Variants in KCNQ3 observed in about 807,000 individuals in gnomAD.
KCNQ3 encodes the protein potassium voltage-gated channel subfamily Q member 3, also known as potassium voltage-gated channel subfamily KQT member 3.
Under a neutral mutation model 92.5 loss-of-function variants are expected in KCNQ3, and 30 were observed. The ratio of observed to expected loss-of-function variants is 0.32; its 90% CI spans 0.24 to 0.44. The LOEUF (loss-of-function observed/expected upper bound fraction) is 0.44. KCNQ3 is among the 20% of genes least tolerant of loss of function. The pLI, the probability that KCNQ3 is intolerant of heterozygous loss-of-function variation, is 1.00. For missense variants in KCNQ3, 913 were observed against 1,140.3 expected (o/e 0.80, Z 2.87); for synonymous variants, 450 against 468.8 (o/e 0.96, Z 0.52).
Position 132,121,552 on chromosome 8 carries a change from A to G in KCNQ3, c.*7710T>C, listed in dbSNP as rs1216389507. The G allele has an allele frequency of 6.6e-6, 1 of 152,184 alleles. No individual in the cohort carries two copies. Among genetic ancestry groups the G allele is most frequent in the African/African-American group, 2.4e-5 (1 of 41,430 alleles). The allele number at this position is 152,184 out of a possible 1,614,324, so 9.4% of individuals were successfully genotyped here. On this transcript the variant is annotated 3_prime_UTR_variant, in exon 15 of 15. Transcript: ENST00000388996. ...GCCCCCTCCTTGGAAAAGTATTCAG[A>G]GGGGTATAGAAGGGCCCAATTACCA...
Position 132,180,264 on chromosome 8 carries a change from T to A in KCNQ3, c.670A>T (p.Thr224Ser). The A allele has an allele frequency of 6.2e-7, 1 of 1,613,920 alleles. No homozygotes were observed. Among genetic ancestry groups the A allele is most frequent in the Non-Finnish European group, 8.5e-7 (1 of 1,180,010 alleles). ...AGGAAGCGCAGGCTTCGCAGGGAGGTGGCCAGAACATTGCCTTGGTTTCCC... is the reference window on the plus strand; with the variant it reads ...AGGAAGCGCAGGCTTCGCAGGGAGGAGGCCAGAACATTGCCTTGGTTTCCC... ...AVGNQGNVLA[T>S]SLRSLRFLQI... The change falls in exon 4 of 15, where the codon ACC (threonine) becomes TCC (serine). Residue 224 changes from threonine (T) to serine (S), a missense_variant. By Grantham distance (58) the Thr-to-Ser change is moderately conservative. This residue lies in a region of KCNQ3 where 100 missense variants were observed against 217.6 expected (regional missense o/e 0.46). Coordinates refer to ENST00000388996, the MANE Select transcript of KCNQ3 (RefSeq NM_004519.4).
At chr8:132,322,341 A>G (rs533237101) in intron 1 of KCNQ3, among the ~76,000 whole-genome samples, 10 of 152,084 alleles carry the variant, frequency 6.6e-5, no homozygotes, top group African/African-American at 1.7e-4. Flanking sequence ...GGCTTGGAGG[A>G]CATCCCTGCT....
At chr8:132,292,751 G>A (rs1816894396) in intron 1 of KCNQ3, among the ~76,000 whole-genome samples, 1 of 152,046 alleles carries the variant, frequency 6.6e-6, no homozygotes, top group South Asian at 2.1e-4. Flanking sequence ...ATAATATTGG[G>A]GCACTTTGGG....
chr8:132,462,222 G>T (rs542429048), intron 1 of KCNQ3, among the ~76,000 whole-genome samples: 1 of 151,086 alleles, frequency 6.6e-6, no homozygotes, highest in Non-Finnish European at 1.5e-5. Context: ...TTTTTGAGAC[G>T]GAGTCTTGCT....
chr8:132,312,260 G>C (rs1379585), intron 1 of KCNQ3, among the ~76,000 whole-genome samples: 117,931 of 152,192 alleles, frequency 0.77, 46,166 homozygotes, highest in East Asian at 0.89. Context: ...TCCCTCTACT[G>C]CACTGGCAGA....
chr8:132,197,311 T>C (rs1257066022), intron 1 of KCNQ3, among the ~76,000 whole-genome samples: 2 of 152,218 alleles, frequency 1.3e-5, no homozygotes, highest in Non-Finnish European at 2.9e-5. Flanking sequence ...GCCAAGCAGC[T>C]CTGTTCCATG....
chr8:132,363,589 A>T (rs1445747067), intron 1 of KCNQ3, among the ~76,000 whole-genome samples: 2 of 152,002 alleles, frequency 1.3e-5, no homozygotes, highest in African/African-American at 2.4e-5. Context: ...TGTGTTCCTC[A>T]AGTCTACATC....
At chr8:132,477,929 G>A (rs1046649949) in intron 1 of KCNQ3, among the ~76,000 whole-genome samples, 4 of 152,068 alleles carry the variant, frequency 2.6e-5, no homozygotes, top group African/African-American at 9.7e-5. Context: ...ATTCAAATGC[G>A]AGCTCCAGGA....
chr8:132,273,723 C>A (rs1333587542), intron 1 of KCNQ3, among the ~76,000 whole-genome samples: 5 of 152,172 alleles, frequency 3.3e-5, no homozygotes, highest in Admixed American at 3.3e-4. Context: ...CCCAGTTCAC[C>A]TTTTGAATGC....
At chr8:132,136,118 CAAAAAAA>C (rs67331428) in intron 12 of KCNQ3, among the ~76,000 whole-genome samples, 88 of 40,016 alleles carry the variant, frequency 2.2e-3, no homozygotes, top group African/African-American at 9.9e-3. Flanking sequence ...GACTCCATCT[CAAAAAAA>C]AAAAAAAAAA....
chr8:132,478,682 G>C (rs1822469185), intron 1 of KCNQ3, among the ~76,000 whole-genome samples: 1 of 151,740 alleles, frequency 6.6e-6, no homozygotes, highest in Non-Finnish European at 1.5e-5. Flanking sequence ...CAACATCCAC[G>C]TTTCTGGGAA....
chr8:132,205,861 A>G (rs1209968231), intron 1 of KCNQ3, among the ~76,000 whole-genome samples: 6 of 152,174 alleles, frequency 3.9e-5, no homozygotes, highest in Admixed American at 2.0e-4. Context: ...GGCAGGAAAT[A>G]TCTAGAACAG....
intron 1 of KCNQ3, among the ~76,000 whole-genome samples, chr8:132,406,003 G>A (rs913930431): frequency 1.3e-5 from 2 of 152,120 alleles, no homozygotes; most frequent in Non-Finnish European, 2.9e-5. Context: ...AATGTCCCAG[G>A]TGGGTGGCAG....
chr8:132,210,949 T>C (rs748549087), intron 1 of KCNQ3, among the ~76,000 whole-genome samples: 2 of 152,198 alleles, frequency 1.3e-5, no homozygotes, highest in Non-Finnish European at 2.9e-5. Context: ...CAATGGATGT[T>C]ATTAGTAAAG....
chr8:132,356,114 T>C (rs1341015455), intron 1 of KCNQ3, among the ~76,000 whole-genome samples: 3 of 152,184 alleles, frequency 2.0e-5, no homozygotes, highest in Non-Finnish European at 4.4e-5. Context: ...CATTGGTGGA[T>C]CTCCTGAGAC....
intron 1 of KCNQ3, among the ~76,000 whole-genome samples, chr8:132,451,118 GGTGGGTTTATCTT>G (rs1821809383): frequency 6.6e-6 from 1 of 152,164 alleles, no homozygotes; most frequent in Non-Finnish European, 1.5e-5. Context: ...GAATCATGGG[GGTGGGTTTATCTT>G]GTGCTTTCTC....
chr8:132,460,019 G>A (rs535286799), intron 1 of KCNQ3, among the ~76,000 whole-genome samples: 81 of 151,976 alleles, frequency 5.3e-4, no homozygotes, highest in African/African-American at 2.0e-3. Flanking sequence ...CTTTCAGTTG[G>A]CTTATGTGCC....
At chr8:132,321,070 T>C (rs903143612) in intron 1 of KCNQ3, among the ~76,000 whole-genome samples, 4 of 152,204 alleles carry the variant, frequency 2.6e-5, no homozygotes, top group African/African-American at 4.8e-5. Context: ...CCCAGGTGAT[T>C]TGAATGCACA....
Position 132,124,982 on chromosome 8 carries a change from A to G in KCNQ3, c.*4280T>C, listed in dbSNP as rs1157892486. On this transcript the variant is annotated 3_prime_UTR_variant, in exon 15 of 15. Coordinates refer to ENST00000388996, the MANE Select transcript of KCNQ3 (RefSeq NM_004519.4). ...ATTTGATCTGCAGGTTCCCATAAGT[A>G]GAGTAACATCTTTCTCTTGAAATAG... The G allele has an allele frequency of 6.6e-6, 1 of 152,236 alleles. No individual in the cohort carries two copies. Among genetic ancestry groups the G allele is most frequent in the Non-Finnish European group, 1.5e-5 (1 of 68,050 alleles). 9.4% of individuals were successfully genotyped at this position (152,236 alleles called of 1,614,324 possible). A position where few individuals can be genotyped will look rare whatever the true frequency, so the allele number is the denominator to read the frequency against.
Sources: allele counts gnomAD v4.1 joint callset (sites outside exome capture counted in the v4.1 genomes callset), GRCh38; gene constraint gnomAD v4.1.1; regional missense constraint gnomAD v4.1.1; transcripts MANE v1.5; gene names NCBI Gene and HGNC (gene_info 2026-07-23, HGNC 2026-07-21).